SMAP2: variants seen among roughly 807,000 people sequenced by gnomAD.
SMAP2 encodes the protein stromal membrane-associated protein 2.
SMAP2 carries 25 observed loss-of-function variants against 56.4 expected under a neutral mutation model. The observed-to-expected ratio is 0.44, with a 90% CI of 0.32 to 0.62. The LOEUF is 0.62. SMAP2 is among the 20% of genes least tolerant of loss of function. The pLI is 0.04. For synonymous variants in SMAP2, 157 were observed against 181.7 expected (o/e 0.86, Z 1.09); for missense variants, 388 against 545.6 (o/e 0.71, Z 2.88).
At chr1:40,396,994 T>C (rs985626825) in intron 1 of SMAP2, 5 of 246,014 alleles carry the variant, frequency 2.0e-5, no homozygotes, top group Admixed American at 1.9e-4. Context: ...CACGTAGAAT[T>C]AATCTCTTAT....
At chr1:40,373,568 C>T (rs1387744764), upstream of SMAP2, 1 of 153,778 alleles carries the variant, frequency 6.5e-6, no homozygotes, top group Non-Finnish European at 1.5e-5. Flanking sequence ...CCACCCCTTC[C>T]CTCCGCCCCC....
rs1046381516 is a variant in SMAP2, at chr1:40,417,153, C to T, written c.1164+57C>T. On this transcript the variant is annotated intron_variant, in intron 9 of 9. Coordinates refer to ENST00000372718, the MANE Select transcript of SMAP2 (RefSeq NM_022733.3). ...TTTTGAGCCTTCCTCAAGTTTTTCT[C>T]GGTTTGTACCTCTCCACTATCCTTT... 8.7e-6 allele frequency: 11 copies of T among 1,264,926 alleles called. No homozygotes were observed. In the Admixed American group the frequency reaches 1.0e-4, roughly 12 times the overall value. The allele number at this position is 1,264,926 out of a possible 1,614,324, so 78.4% of individuals were successfully genotyped here.
chr1:40,376,722 G>A (rs1027136017), intron 1 of SMAP2, among the ~76,000 whole-genome samples: 1 of 152,314 alleles, frequency 6.6e-6, no homozygotes, highest in South Asian at 2.1e-4. Flanking sequence ...AATTTAAAAA[G>A]TGTTGGCTAA....
chr1:40,397,362 A>G (rs1203506885), intron 1 of SMAP2, among the ~76,000 whole-genome samples: 2 of 152,154 alleles, frequency 1.3e-5, no homozygotes, highest in Non-Finnish European at 2.9e-5. Flanking sequence ...AGATTTTACA[A>G]TTTCTGGATA....
In SMAP2 at chr1:40,422,296, A is replaced by G. The variant is rs1177796667; in HGVS notation, c.*195A>G. The G allele has an allele frequency of 6.0e-6, 4 of 668,536 alleles. No individual in the cohort carries two copies. Among genetic ancestry groups the G allele is most frequent in the South Asian group, 3.7e-5 (2 of 54,702 alleles). 41.4% of individuals were successfully genotyped at this position (668,536 alleles called of 1,614,324 possible). A position where few individuals can be genotyped will look rare whatever the true frequency, so the allele number is the denominator to read the frequency against. On this transcript the variant is annotated 3_prime_UTR_variant, in exon 10 of 10. Coordinates refer to ENST00000372718, the MANE Select transcript of SMAP2 (RefSeq NM_022733.3). The stretch of plus-strand genomic sequence containing the variant: ...ACCTCTCTGTTGCTTTATGTTGTAC[A>G]TGCCCCATAGCCATCCCAACGTCCT...
intron 1 of SMAP2, among the ~76,000 whole-genome samples, chr1:40,383,479 A>C (rs1644620313): frequency 6.6e-6 from 1 of 152,196 alleles, no homozygotes; most frequent in South Asian, 2.1e-4. Context: ...GAATTCTCCA[A>C]GATGTAATTT....
At chr1:40,415,713 A>G (rs1280242809) in intron 7 of SMAP2, among the ~76,000 whole-genome samples, 4 of 152,252 alleles carry the variant, frequency 2.6e-5, no homozygotes, top group African/African-American at 7.2e-5. Context: ...AATGGCTACC[A>G]TTCGTGAAAC....
At chr1:40,414,082 C>A in intron 5 of SMAP2, 77 bp from the exon 6 acceptor site, 2 of 1,298,072 alleles carry the variant, frequency 1.5e-6, no homozygotes, top group Non-Finnish European at 2.2e-6. Context: ...ACAAGAACAC[C>A]GTGGCTTTAC....
intron 5 of SMAP2, 99 bp from the exon 6 acceptor site, chr1:40,414,060 G>GT (rs1199267178): frequency 1.0e-6 from 1 of 989,676 alleles, no homozygotes; most frequent in Non-Finnish European, 1.6e-6. Flanking sequence ...TTGAATAACA[G>GT]CAGCCCTACC....
chr1:40,347,484 C>T (rs1644394202), intron 1 of SMAP2, among the ~76,000 whole-genome samples: 1 of 151,802 alleles, frequency 6.6e-6, no homozygotes, highest in South Asian at 2.1e-4. Context: ...TGTCTTCAGA[C>T]AATTCTTGGG....
intron 1 of SMAP2, among the ~76,000 whole-genome samples, chr1:40,349,643 C>T (rs1017191008): frequency 7.2e-5 from 11 of 152,112 alleles, no homozygotes; most frequent in Admixed American, 1.3e-4. Flanking sequence ...CTCAGCCTCC[C>T]GAGTAGCTGG....
At chr1:40,356,416 T>TTG in intron 1 of SMAP2, among the ~76,000 whole-genome samples, 1 of 140,194 alleles carries the variant, frequency 7.1e-6, no homozygotes, top group African/African-American at 2.7e-5. Context: ...TTTTTTTTTG[T>TTG]TTTTTTTTTT....
At chr1:40,407,615 T>C (rs1644897933) in intron 2 of SMAP2, among the ~76,000 whole-genome samples, 1 of 152,192 alleles carries the variant, frequency 6.6e-6, no homozygotes, top group South Asian at 2.1e-4. Flanking sequence ...ATTTTAATGG[T>C]ACATAATATT....
chr1:40,379,987 C>G (rs562080093), intron 1 of SMAP2, among the ~76,000 whole-genome samples: 17 of 152,328 alleles, frequency 1.1e-4, no homozygotes, highest in African/African-American at 3.6e-4. Flanking sequence ...CTTATTGCAG[C>G]TTGGTGACCT....
intron 1 of SMAP2, among the ~76,000 whole-genome samples, chr1:40,381,541 T>G (rs564436104): frequency 1.3e-4 from 20 of 151,340 alleles, no homozygotes; most frequent in African/African-American, 3.9e-4. Flanking sequence ...GTGCACTGTT[T>G]TGTGTGTGTG....
At position 40,391,023 on chromosome 1, in the gene SMAP2, G is replaced by C. The variant is rs182629779; in HGVS notation, c.104-15713G>C. 2.0e-3 allele frequency among the ~76,000 whole-genome samples: 310 copies of C among 152,256 alleles called. 1 individual carries two copies. The highest frequency in any genetic ancestry group is 7.0e-3 in the African/African-American group (290 of 41,540). On this transcript the variant is annotated intron_variant, in intron 1 of 9. Transcript: ENST00000372718. ...CATTTTGGGTGATTCCTTGTTGTGG[G>C]CACTGTCCAGGGCATTTTAGAATGT...
chr1:40,350,305 A>G (rs780296817), intron 1 of SMAP2, among the ~76,000 whole-genome samples: 71 of 152,176 alleles, frequency 4.7e-4, no homozygotes, highest in Non-Finnish European at 9.1e-4. Flanking sequence ...GCCTCAGGGT[A>G]TACAAGTACC....
At chr1:40,352,326 T>C (rs1424947411) in intron 1 of SMAP2, among the ~76,000 whole-genome samples, 1 of 152,054 alleles carries the variant, frequency 6.6e-6, no homozygotes, top group Non-Finnish European at 1.5e-5. Flanking sequence ...CTTCTCCTAA[T>C]GCTTGCCACA....
chr1:40,359,091 C>T (rs951284472), intron 1 of SMAP2, among the ~76,000 whole-genome samples: 4 of 151,884 alleles, frequency 2.6e-5, no homozygotes, highest in African/African-American at 9.7e-5. Flanking sequence ...TATTTTCAGT[C>T]TATGTGTATC....
Sources: allele counts gnomAD v4.1 joint callset (sites outside exome capture counted in the v4.1 genomes callset), GRCh38; gene constraint gnomAD v4.1.1; transcripts MANE v1.5; gene names NCBI Gene and HGNC (gene_info 2026-07-23, HGNC 2026-07-21).